Variants in ARMCX1 observed in about 807,000 individuals in gnomAD.
ARMCX1 encodes the protein armadillo repeat containing X-linked 1.
Under a neutral mutation model 15.4 loss-of-function variants are expected in ARMCX1, and 4 were observed. That is an observed-to-expected ratio of 0.26 (90% CI 0.13 to 0.59). The LOEUF (loss-of-function observed/expected upper bound fraction) is 0.59. Among genes scored for constraint, ARMCX1 ranks in the 20% least tolerant of loss-of-function variants. ARMCX1 has a pLI of 0.89. For missense variants in ARMCX1, 273 were observed against 337.1 expected, an observed-to-expected ratio of 0.81 and a Z score of 1.49; for synonymous variants, 144 against 130.5, an observed-to-expected ratio of 1.10 and a Z score of -0.71.
At position 101,554,568 on chromosome X, in the gene ARMCX1, TTCCTC is replaced by T; in HGVS notation, c.*278_*282del. Reference sequence around the variant, plus strand: ...TACCTAGATTGAGATTTTTTAATCTTTCCTCTACCTAAACTGACAATGAATTGGTT... The same window carrying T: ...TACCTAGATTGAGATTTTTTAATCTTTACCTAAACTGACAATGAATTGGTT... On this transcript the variant is annotated 3_prime_UTR_variant, in exon 4 of 4. Coordinates refer to ENST00000372829, the MANE Select transcript of ARMCX1 (RefSeq NM_016608.2). 1 of 241,124 alleles carries T rather than the reference TTCCTC, an allele frequency of 4.1e-6. No homozygotes were observed. The highest frequency in any genetic ancestry group is 7.8e-5 in the East Asian group (1 of 12,857). 19.9% of individuals were successfully genotyped at this position (241,124 alleles called of 1,213,427 possible). A position where few individuals can be genotyped will look rare whatever the true frequency, so the allele number is the denominator to read the frequency against.
chrX:101,552,745 A>T, intron 3 of ARMCX1, 64 bp from the exon 4 acceptor site: 2 of 423,682 alleles, frequency 4.7e-6, no homozygotes, highest in Non-Finnish European at 7.9e-6. Flanking sequence ...TTGTTGTTTC[A>T]GTCTGTTTGC....
intron 1 of ARMCX1, 72 bp from the exon 2 acceptor site, chrX:101,550,899 T>C (rs1935372623): frequency 9.0e-6 from 1 of 111,453 alleles, no homozygotes. Context: ...ATTCATGTCC[T>C]GTGTGCTGGC....
chrX:101,552,424 C>A (rs782820418), intron 3 of ARMCX1, among the ~76,000 whole-genome samples: 83 of 111,265 alleles, frequency 7.5e-4, no homozygotes, highest in African/African-American at 2.5e-3. Context: ...GTACCCCTCT[C>A]CCCGCGCCCT....
At position 101,553,002 on chromosome X, in the gene ARMCX1, A is replaced by G. The variant is rs182450688; in HGVS notation, c.72A>G (p.Val24=). ...VVIGAGACYC[V]YRLAWGRDEN... ...TCGGGGCTGGTGCCTGCTACTGTGT[A>G]TACAGACTGGCTTGGGGAAGAGACG... The change falls in exon 4 of 4, where the codon GTA becomes GTG. Residue 24 remains valine (V), a synonymous_variant. Transcript: ENST00000372829. The G allele has an allele frequency of 3.4e-4, 414 of 1,210,227 alleles. 4 individuals carry two copies. In the East Asian group the frequency reaches 0.012, roughly 34 times the overall value.
At chrX:101,551,871 G>T in intron 3 of ARMCX1, among the ~76,000 whole-genome samples, 1 of 109,059 alleles carries the variant, frequency 9.2e-6, no homozygotes, top group East Asian at 2.9e-4. Context: ...ACTGTTTGGG[G>T]TACAGGGTCC....
Position 101,553,436 on chromosome X carries a change from C to T in ARMCX1, c.506C>T (p.Ser169Phe). ...GCCGGGGGCAGGGCAAGTGGAAAAT[C>T]CAAGGGAAAGGCCCGAAGTAAGAGC... ...SRAGGRASGKSKGKARSKSTR... is the reference protein window; with the variant it reads ...SRAGGRASGKFKGKARSKSTR... The change falls in exon 4 of 4, where the codon TCC (serine) becomes TTC (phenylalanine). Residue 169 changes from serine (S) to phenylalanine (F), a missense_variant. By Grantham distance (155) the Ser-to-Phe change is radical. Transcript: ENST00000372829. 1 of 1,200,428 alleles carries T rather than the reference C, an allele frequency of 8.3e-7. No individual in the cohort carries two copies. The highest frequency in any genetic ancestry group is 1.8e-5 in the South Asian group (1 of 54,633).
Position 101,553,362 on chromosome X carries a change from C to T in ARMCX1, c.432C>T (p.Cys144=). 8.4e-7 allele frequency: 1 copy of T among 1,190,978 alleles called. No homozygotes were observed. The highest frequency in any genetic ancestry group is 1.9e-5 in the South Asian group (1 of 52,743). Residue 144 remains cysteine (C), a synonymous_variant, in exon 4 of 4, where the codon TGC becomes TGT. Transcript: ENST00000372829. Reference sequence around the variant, plus strand: ...GGACCCTTGCACCGAGTTTACCCTGCCCAGGAGGCAGGGGTGGAGGCTGCC... The same window carrying T: ...GGACCCTTGCACCGAGTTTACCCTGTCCAGGAGGCAGGGGTGGAGGCTGCC... The part of the protein sequence containing the change: ...GNRTLAPSLP[C]PGGRGGGCHP...
Position 101,553,380 on chromosome X carries a change from A to T in ARMCX1, c.450A>T (p.Gly150=). 1 of 1,187,336 alleles carries T rather than the reference A, an allele frequency of 8.4e-7. No homozygotes were observed. Among genetic ancestry groups the T allele is most frequent in the South Asian group, 1.9e-5 (1 of 52,297 alleles). The change falls in exon 4 of 4, where the codon GGA becomes GGT. Residue 150 remains glycine, a synonymous_variant. Transcript: ENST00000372829. ...TACCCTGCCCAGGAGGCAGGGGTGG[A>T]GGCTGCCACCCCACCAGGAGTGGAT... ...PSLPCPGGRG[G]GCHPTRSGSR... is the part of the protein sequence containing the mutation.
At position 101,552,843 on chromosome X, in the gene ARMCX1, C is replaced by T; in HGVS notation, c.-88C>T. On this transcript the variant is annotated 5_prime_UTR_variant, in exon 4 of 4. Transcript: ENST00000372829. ...CCTCAGAGCCGGCCCGCAGTAGCTGCAGACTCCGCCCGCGACGTGTGCGCG... is the reference window on the plus strand; with the variant it reads ...CCTCAGAGCCGGCCCGCAGTAGCTGTAGACTCCGCCCGCGACGTGTGCGCG... 1 of 1,074,319 alleles carries T rather than the reference C, an allele frequency of 9.3e-7. No homozygotes were observed. The highest frequency in any genetic ancestry group is 1.2e-6 in the Non-Finnish European group (1 of 804,708). 88.5% of individuals were successfully genotyped at this position (1,074,319 alleles called of 1,213,427 possible).
At chrX:101,550,724 G>T (rs782633084) in intron 1 of ARMCX1, 64 bp downstream of exon 1, 1 of 112,065 alleles carries the variant, frequency 8.9e-6, no homozygotes, top group Non-Finnish European at 1.9e-5. Flanking sequence ...CGTGGAGGCC[G>T]AAGGGGGAGC....
At position 101,553,394 on chromosome X, in the gene ARMCX1, C is replaced by T; in HGVS notation, c.464C>T (p.Thr155Ile). ...PGGRGGGCHP[T>I]RSGSRAGGRA... ...GGCAGGGGTGGAGGCTGCCACCCCA[C>T]CAGGAGTGGATCTAGGGCCGGGGGC... Residue 155 changes from threonine (T) to isoleucine (I), a missense_variant, in exon 4 of 4, where the codon ACC becomes ATC. Coordinates refer to ENST00000372829, the MANE Select transcript of ARMCX1 (RefSeq NM_016608.2). The T allele has an allele frequency of 2.5e-6, 3 of 1,189,331 alleles. No individual in the cohort carries two copies. Among genetic ancestry groups the T allele is most frequent in the Non-Finnish European group, 3.4e-6 (3 of 885,125 alleles).
chrX:101,554,267 T>C lies in ARMCX1; in HGVS notation c.1337T>C (p.Val446Ala). The change falls in exon 4 of 4, where the codon GTC (valine) becomes GCC (alanine). Residue 446 changes from valine (V) to alanine (A), a missense_variant. Coordinates refer to ENST00000372829, the MANE Select transcript of ARMCX1 (RefSeq NM_016608.2). ...AATGATCTGGTGGTGAAAGTAAAAGTCCTGAAAGTATTAACCAAACTCTAA... is the reference window on the plus strand; with the variant it reads ...AATGATCTGGTGGTGAAAGTAAAAGCCCTGAAAGTATTAACCAAACTCTAA... ...NHNDLVVKVK[V>A]LKVLTKL is the part of the protein sequence containing the mutation. The C allele has an allele frequency of 8.4e-7, 1 of 1,189,523 alleles. No individual in the cohort carries two copies. The highest frequency in any genetic ancestry group is 1.1e-6 in the Non-Finnish European group (1 of 887,474).
chrX:101,551,168 G>A (rs1935376086), intron 2 of ARMCX1, 144 bp downstream of exon 2: 1 of 110,758 alleles, frequency 9.0e-6, no homozygotes, highest in South Asian at 3.9e-4. Flanking sequence ...TGTAACAGTG[G>A]CTGCAGGAAA....
chrX:101,551,008 G>GCAGGGGAT lies in ARMCX1; in HGVS notation c.-203_-202insAGGGGATC, dbSNP rs1935374409. ...CCATTTGGGAACAAAGGAATAGTCT[G>GCAGGGGAT]CCTGGAATCCCTGCAGGTCAGTGTA... is the stretch of plus-strand genomic sequence containing the variant. On this transcript the variant is annotated 5_prime_UTR_variant, in exon 2 of 4. Coordinates refer to ENST00000372829, the MANE Select transcript of ARMCX1 (RefSeq NM_016608.2). 9.0e-6 allele frequency: 1 copy of GCAGGGGAT among 111,233 alleles called. No individual in the cohort carries two copies. The highest frequency in any genetic ancestry group is 1.9e-5 in the Non-Finnish European group (1 of 53,064). The allele number at this position is 111,233 out of a possible 1,213,427, so 9.2% of individuals were successfully genotyped here. A position where few individuals can be genotyped will look rare whatever the true frequency, so the allele number is the denominator to read the frequency against.
At chrX:101,552,633 T>C (rs1556027139) in intron 3 of ARMCX1, among the ~76,000 whole-genome samples, 176 bp from the exon 4 acceptor site, 3 of 111,153 alleles carry the variant, frequency 2.7e-5, no homozygotes, top group African/African-American at 9.8e-5. Context: ...GGGGAAAATT[T>C]CCAAACTTAG....
At position 101,553,147 on chromosome X, in the gene ARMCX1, G is replaced by T. The variant is rs186729510; in HGVS notation, c.217G>T (p.Asp73Tyr). The change falls in exon 4 of 4, where the codon GAT (aspartate) becomes TAT (tyrosine). Residue 73 changes from aspartate (D) to tyrosine (Y), a missense_variant. By Grantham distance (160) the Asp-to-Tyr change is radical. Coordinates refer to ENST00000372829, the MANE Select transcript of ARMCX1 (RefSeq NM_016608.2). ...AGGGTCTGGGGCCAAACTTCAGGGT[G>T]ATTCAGAGGTCAAGCCTGAGGTGAG... ...GAGSGAKLQG[D>Y]SEVKPEVSLG... 26 of 1,210,136 alleles carry T rather than the reference G, an allele frequency of 2.1e-5. 1 individual carries two copies. Among genetic ancestry groups the T allele is most frequent in the South Asian group, 1.8e-4 (10 of 56,759 alleles).
Position 101,551,834 on chromosome X carries a change from G to C in ARMCX1, c.-123+201G>C, listed in dbSNP as rs186894877. Reference sequence around the variant, plus strand: ...AAGGGGTGGGCGTCAAGAGAGTCCAGGGGTTGGGAGGACGTTACTCCAAAT... The same window carrying C: ...AAGGGGTGGGCGTCAAGAGAGTCCACGGGTTGGGAGGACGTTACTCCAAAT... On this transcript the variant is annotated intron_variant, in intron 3 of 3. Coordinates refer to ENST00000372829, the MANE Select transcript of ARMCX1 (RefSeq NM_016608.2). 2.8e-3 allele frequency among the ~76,000 whole-genome samples: 301 copies of C among 109,431 alleles called. 3 individuals carry two copies. Among genetic ancestry groups the C allele is most frequent in the African/African-American group, 9.6e-3 (287 of 30,038 alleles).
At position 101,554,510 on chromosome X, in the gene ARMCX1, G is replaced by C; in HGVS notation, c.*218G>C. ...GATGCCAAATGAAATATTAGTATTT[G>C]TACACAGAAAGAATTTATTGATTTG... On this transcript the variant is annotated 3_prime_UTR_variant, in exon 4 of 4. Transcript: ENST00000372829. 6.1e-6 allele frequency: 2 copies of C among 330,150 alleles called. No individual in the cohort carries two copies. The highest frequency in any genetic ancestry group is 1.1e-5 in the Non-Finnish European group (2 of 187,120). The allele number at this position is 330,150 out of a possible 1,213,427, so 27.2% of individuals were successfully genotyped here. A position where few individuals can be genotyped will look rare whatever the true frequency, so the allele number is the denominator to read the frequency against.
At position 101,554,251 on chromosome X, in the gene ARMCX1, G is replaced by A; in HGVS notation, c.1321G>A (p.Val441Met). Residue 441 changes from valine to methionine, a missense_variant, in exon 4 of 4, where the codon GTG becomes ATG. Val to Met is a conservative substitution (Grantham distance 21). Transcript: ENST00000372829. ...IKALANHNDL[V>M]VKVKVLKVLT... ...AGCACTAGCAAATCACAATGATCTG[G>A]TGGTGAAAGTAAAAGTCCTGAAAGT... The A allele has an allele frequency of 1.7e-6, 2 of 1,196,112 alleles. No homozygotes were observed. The highest frequency in any genetic ancestry group is 2.2e-6 in the Non-Finnish European group (2 of 890,374).
Sources: gnomAD v4.1 joint callset for allele counts (sites outside exome capture counted in the v4.1 genomes callset) on GRCh38, gnomAD v4.1.1 for gene constraint, MANE v1.5 for transcripts, NCBI Gene and HGNC (gene_info 2026-07-23, HGNC 2026-07-21) for gene names.